The following OCIAD1 variants were observed in gnomAD, a reference collection of about 807,000 sequenced individuals.
OCIAD1 encodes OCIA domain containing 1.
A neutral mutation model predicts 38.9 loss-of-function variants in OCIAD1; 29 were observed. The ratio of observed to expected loss-of-function variants is 0.74; its 90% CI spans 0.55 to 1.02. The LOEUF (loss-of-function observed/expected upper bound fraction) is 1.02, where lower values mean the gene tolerates loss of function less well. Ranked by LOEUF, OCIAD1 falls within the 50% of genes least tolerant of loss-of-function variation. OCIAD1 has a pLI of 0.00. For missense variants in OCIAD1, 288 were observed against 289.6 expected (o/e 0.99, Z 0.04); for synonymous variants, 110 against 92.0 (o/e 1.20, Z -1.12).
intron 6 of OCIAD1, 45 bp from the exon 7 acceptor site, chr4:48,851,760 AG>A: frequency 9.4e-7 from 1 of 1,068,170 alleles, no homozygotes; most frequent in East Asian, 2.4e-5. Flanking sequence ...TTTAAGATAT[AG>A]GCAATGACTC....
chr4:48,856,613 CCTCAGGT>C (rs1780064657), intron 7 of OCIAD1: 1 of 152,160 alleles, frequency 6.6e-6, no homozygotes, highest in Admixed American at 6.5e-5. Context: ...GAACTCCTGA[CCTCAGGT>C]GATCCGCCCG....
At chr4:48,849,568 A>G (rs972297658) in intron 5 of OCIAD1, among the ~76,000 whole-genome samples, 2 of 152,146 alleles carry the variant, frequency 1.3e-5, no homozygotes, top group African/African-American at 4.8e-5. Context: ...AATCCTTGTG[A>G]TCTAGTTCTG....
chr4:48,834,853 GC>G (rs1235025147), intron 3 of OCIAD1, among the ~76,000 whole-genome samples: 1 of 152,230 alleles, frequency 6.6e-6, no homozygotes, highest in African/African-American at 2.4e-5. Context: ...TGATATGTAT[GC>G]TTAAAATGTG....
chr4:48,810,468 CAAAAAAAAAAAAA>C (rs749988114), intron 1 of OCIAD1, among the ~76,000 whole-genome samples: 1 of 42,326 alleles, frequency 2.4e-5, no homozygotes. Flanking sequence ...GACTCCATCT[CAAAAAAAAAAAAA>C]AAAAAAAAAA....
intron 8 of OCIAD1, among the ~76,000 whole-genome samples, 160 bp downstream of exon 8, chr4:48,857,525 CTTT>C (rs367805823): frequency 6.9e-6 from 1 of 144,576 alleles, no homozygotes. Context: ...GTTATCAGTT[CTTT>C]TTTTTTTTTT....
At chr4:48,809,374 A>G (rs1383224483) in intron 1 of OCIAD1, among the ~76,000 whole-genome samples, 4 of 152,116 alleles carry the variant, frequency 2.6e-5, no homozygotes, top group East Asian at 3.9e-4. Context: ...ATACAAAAAA[A>G]TTAACTGGGA....
At chr4:48,859,777 C>T (rs1780436957) in intron 8 of OCIAD1, among the ~76,000 whole-genome samples, 1 of 152,182 alleles carries the variant, frequency 6.6e-6, no homozygotes, top group South Asian at 2.1e-4. Flanking sequence ...AAAGTTTTCA[C>T]CTTTAGCTTA....
intron 1 of OCIAD1, among the ~76,000 whole-genome samples, chr4:48,824,219 C>G (rs1427500423): frequency 1.3e-5 from 2 of 151,936 alleles, no homozygotes; most frequent in African/African-American, 4.8e-5. Flanking sequence ...AAGCTCAAAG[C>G]AATCCACCTG....
upstream of OCIAD1, among the ~76,000 whole-genome samples, chr4:48,827,149 T>G (rs558756786): frequency 6.6e-6 from 1 of 152,356 alleles, no homozygotes; most frequent in East Asian, 1.9e-4. Flanking sequence ...GAATAATGAT[T>G]GCTTGAATAA....
chr4:48,832,955 G>C (rs1445529719), intron 2 of OCIAD1, among the ~76,000 whole-genome samples: 3 of 152,002 alleles, frequency 2.0e-5, no homozygotes, highest in Admixed American at 1.3e-4. Flanking sequence ...AAAGTTTGTT[G>C]AAAGTGTATA....
upstream of OCIAD1, among the ~76,000 whole-genome samples, chr4:48,826,403 G>A (rs1343366271): frequency 2.6e-5 from 4 of 152,126 alleles, no homozygotes; most frequent in East Asian, 5.8e-4. Flanking sequence ...AACATGCGGT[G>A]TTTGGTTTTC....
chr4:48,846,422 A>C (rs1282223247), intron 4 of OCIAD1, among the ~76,000 whole-genome samples: 1 of 152,102 alleles, frequency 6.6e-6, no homozygotes, highest in African/African-American at 2.4e-5. Context: ...TGGTTGTTAA[A>C]TTTTCGGGAA....
intron 1 of OCIAD1, chr4:48,831,650 A>G (rs1689209298): frequency 2.3e-6 from 2 of 875,144 alleles, no homozygotes; most frequent in South Asian, 2.8e-5. Flanking sequence ...TGTTTCTAGG[A>G]AGGATGCCGT....
chr4:48,848,221 T>C (rs1300681451), intron 4 of OCIAD1, among the ~76,000 whole-genome samples, 178 bp from the exon 5 acceptor site: 1 of 152,192 alleles, frequency 6.6e-6, no homozygotes, highest in Non-Finnish European at 1.5e-5. Context: ...TAGAGTCTTT[T>C]GGATTTTCGT....
intron 3 of OCIAD1, among the ~76,000 whole-genome samples, chr4:48,842,274 T>G (rs1778604187): frequency 6.6e-6 from 1 of 152,252 alleles, no homozygotes; most frequent in Non-Finnish European, 1.5e-5. Context: ...TGTAACTTGT[T>G]TCTTACCTCT....
intron 6 of OCIAD1, among the ~76,000 whole-genome samples, chr4:48,851,319 T>G (rs1260683061): frequency 6.6e-6 from 1 of 152,250 alleles, no homozygotes; most frequent in Non-Finnish European, 1.5e-5. Flanking sequence ...TATAAGTGGG[T>G]CAGGACTTTT....
intron 1 of OCIAD1, among the ~76,000 whole-genome samples, chr4:48,814,424 A>G (rs963143905): frequency 2.0e-5 from 3 of 151,540 alleles, no homozygotes; most frequent in African/African-American, 7.3e-5. Context: ...CTGACTCTTC[A>G]TATTTATAAC....
chr4:48,851,747 T>C, intron 6 of OCIAD1, 59 bp from the exon 7 acceptor site: 2 of 935,108 alleles, frequency 2.1e-6, no homozygotes, highest in Non-Finnish European at 3.3e-6. Context: ...ATTTTAACAC[T>C]TCTTTAAGAT....
chr4:48,812,905 T>C (rs970147278), intron 1 of OCIAD1, among the ~76,000 whole-genome samples: 4 of 152,140 alleles, frequency 2.6e-5, no homozygotes, highest in African/African-American at 9.7e-5. Flanking sequence ...GGAGACAGAA[T>C]GGGTCGAACT....
Sources: allele counts gnomAD v4.1 joint callset (sites outside exome capture counted in the v4.1 genomes callset), GRCh38; gene constraint gnomAD v4.1.1; transcripts MANE v1.5; gene names NCBI Gene and HGNC (gene_info 2026-07-23, HGNC 2026-07-21).